PACC1: variants seen among roughly 807,000 people sequenced by gnomAD.
PACC1 encodes proton-activated chloride channel.
Under a neutral mutation model 39.7 loss-of-function variants are expected in PACC1, and 34 were observed. The observed-to-expected ratio is 0.86, with a 90% CI of 0.65 to 1.14. The LOEUF is 1.14. PACC1 is among the 50% of genes most tolerant of loss of function. PACC1 has a pLI of 0.00. For missense variants in PACC1, 379 were observed against 436.4 expected (o/e 0.87, Z 1.17); for synonymous variants, 127 against 160.6 (o/e 0.79, Z 1.58).
At chr1:212,383,262 TG>T (rs764700131) in intron 4 of PACC1, among the ~76,000 whole-genome samples, 1 of 152,204 alleles carries the variant, frequency 6.6e-6, no homozygotes, top group African/African-American at 2.4e-5. Flanking sequence ...AGTCGAATTA[TG>T]TAACTATTGT....
chr1:212,368,695 C>T (rs1275179392), intron 7 of PACC1, among the ~76,000 whole-genome samples: 1 of 151,526 alleles, frequency 6.6e-6, no homozygotes, highest in Non-Finnish European at 1.5e-5. Flanking sequence ...GAATGAAGAA[C>T]ACTCACAAGG....
At chr1:212,380,147 C>A in intron 4 of PACC1, 110 bp from the exon 5 acceptor site, 1 of 1,186,618 alleles carries the variant, frequency 8.4e-7, no homozygotes, top group South Asian at 1.5e-5. Flanking sequence ...GCCCAGTGGT[C>A]TCCAAAGGGA....
intron 2 of PACC1, among the ~76,000 whole-genome samples, chr1:212,408,098 C>T (rs1487668207): frequency 6.0e-5 from 9 of 149,340 alleles, no homozygotes; most frequent in African/African-American, 2.2e-4. Context: ...AAAGAAAACA[C>T]CACTGGTGTA....
At chr1:212,414,014 G>A in intron 1 of PACC1, 1 of 1,535,860 alleles carries the variant, frequency 6.5e-7, no homozygotes, top group South Asian at 1.2e-5. Flanking sequence ...GAGGAGAGCA[G>A]TTTCACTAAT....
At chr1:212,414,233 T>G (rs1372047505) in intron 1 of PACC1, among the ~76,000 whole-genome samples, 1 of 152,094 alleles carries the variant, frequency 6.6e-6, no homozygotes, top group Non-Finnish European at 1.5e-5. Flanking sequence ...AAACAGGTAA[T>G]CAATCCTGTC....
intron 2 of PACC1, among the ~76,000 whole-genome samples, chr1:212,391,442 C>A (rs1227735337): frequency 2.0e-5 from 3 of 152,154 alleles, no homozygotes; most frequent in Non-Finnish European, 2.9e-5. Context: ...CCCATCTGTA[C>A]ATCACTATCA....
intron 7 of PACC1, among the ~76,000 whole-genome samples, chr1:212,371,952 A>C (rs907547850): frequency 2.0e-5 from 3 of 152,204 alleles, no homozygotes; most frequent in African/African-American, 7.2e-5. Context: ...ATAGATGGTA[A>C]AAAAGCATTT....
chr1:212,389,151 A>C (rs1473431254), intron 2 of PACC1, among the ~76,000 whole-genome samples: 1 of 152,236 alleles, frequency 6.6e-6, no homozygotes, highest in Non-Finnish European at 1.5e-5. Flanking sequence ...TTTGCCTAAG[A>C]ATACATGCCA....
chr1:212,369,538 T>C (rs1025532159), intron 7 of PACC1, among the ~76,000 whole-genome samples: 3 of 152,176 alleles, frequency 2.0e-5, no homozygotes, highest in Admixed American at 1.3e-4. Flanking sequence ...CCCAGCACTT[T>C]GGGAGGCCAA....
At chr1:212,388,164 G>C (rs1323864212) in intron 2 of PACC1, among the ~76,000 whole-genome samples, 3 of 151,916 alleles carry the variant, frequency 2.0e-5, no homozygotes, top group Non-Finnish European at 4.4e-5. Flanking sequence ...AGGGAGCCCT[G>C]TACGTCCCCT....
At chr1:212,374,946 C>G (rs1391764360) in intron 7 of PACC1, among the ~76,000 whole-genome samples, 1 of 152,152 alleles carries the variant, frequency 6.6e-6, no homozygotes, top group Non-Finnish European at 1.5e-5. Flanking sequence ...CCCTCCTTTA[C>G]AGAGAAAGTC....
At position 212,385,339 on chromosome 1, in the gene PACC1, G is replaced by A. The variant is rs752497227; in HGVS notation, c.430C>T (p.Pro144Ser). Residue 144 changes from proline (P) to serine (S), a missense_variant, in exon 4 of 8, where the codon CCG (proline) becomes TCG (serine). Physicochemically the swap from Pro to Ser is moderately conservative, Grantham distance 74 (BLOSUM62 -1). Transcript: ENST00000261455. ...TGGGTGGTGCAATTCATGTCACCCG[G>A]CTGGCCAGGGCTTGTCAGAGGAGGA... ...VIPPLTSPGQ[P>S]GDMNCTTQRI... 19 of 1,614,108 alleles carry A rather than the reference G, an allele frequency of 1.2e-5. No homozygotes were observed. Among genetic ancestry groups the A allele is most frequent in the Non-Finnish European group, 1.6e-5 (19 of 1,180,012 alleles).
In PACC1 at chr1:212,413,781, A is replaced by G. The variant is rs1323739860; in HGVS notation, c.36+941T>C. The stretch of plus-strand genomic sequence containing the variant: ...AGAAAAAAGGAATGCTCCGAGGTGA[A>G]GGCAGGGCCTCAAGGCAAATCTGGA... On this transcript the variant is annotated intron_variant, in intron 1 of 7. Transcript: ENST00000261455. 3.5e-6 allele frequency: 4 copies of G among 1,140,918 alleles called. No homozygotes were observed. In the South Asian group the frequency reaches 6.6e-5, roughly 19 times the overall value. 70.7% of individuals were successfully genotyped at this position (1,140,918 alleles called of 1,614,324 possible).
intron 2 of PACC1, among the ~76,000 whole-genome samples, chr1:212,409,808 C>T (rs973031450): frequency 2.3e-4 from 35 of 152,160 alleles, no homozygotes; most frequent in Admixed American, 2.2e-3. Context: ...AGCAAGGGAG[C>T]AGGCCTGGGT....
chr1:212,385,248 A>G, intron 4 of PACC1, 26 bp downstream of exon 4: 4 of 1,613,326 alleles, frequency 2.5e-6, no homozygotes, highest in Non-Finnish European at 3.4e-6. Context: ...AGCTGCCCAG[A>G]CCCAGCTCAG....
intron 7 of PACC1, among the ~76,000 whole-genome samples, chr1:212,366,621 A>T (rs1461695539): frequency 1.3e-5 from 2 of 152,204 alleles, no homozygotes. Context: ...CATTGTTCAC[A>T]TATGAAAATG....
At chr1:212,389,250 G>A (rs923795987) in intron 2 of PACC1, among the ~76,000 whole-genome samples, 2 of 152,180 alleles carry the variant, frequency 1.3e-5, no homozygotes, top group African/African-American at 4.8e-5. Flanking sequence ...ATGAAAGGGA[G>A]GGAGCCACAC....
rs143875429 is a variant in PACC1 at position 212,371,160 on chromosome 1, G to A, written c.891+4033C>T. Among the ~76,000 whole-genome samples the A allele has an allele frequency of 2.3e-3, 329 of 145,616 alleles. 1 individual carries two copies. The highest frequency in any genetic ancestry group is 5.1e-3 in the South Asian group (24 of 4,688). On this transcript the variant is annotated intron_variant, in intron 7 of 7. Transcript: ENST00000261455. Reference sequence around the variant, plus strand: ...CCTGGGAGGCTGAGGCAGGAGAATCGTTTGAACCCAGGAGGCGTAGGCTGC... The same window carrying A: ...CCTGGGAGGCTGAGGCAGGAGAATCATTTGAACCCAGGAGGCGTAGGCTGC...
intron 7 of PACC1, among the ~76,000 whole-genome samples, chr1:212,369,507 G>A (rs1007771753): frequency 6.6e-6 from 1 of 152,180 alleles, no homozygotes; most frequent in Non-Finnish European, 1.5e-5. Flanking sequence ...CAGGCCAGGC[G>A]TGATGGCTTA....
Sources: gnomAD v4.1 joint callset for allele counts (sites outside exome capture counted in the v4.1 genomes callset) on GRCh38, gnomAD v4.1.1 for gene constraint, MANE v1.5 for transcripts, NCBI Gene and HGNC (gene_info 2026-07-23, HGNC 2026-07-21) for gene names.